C2orf69: variants seen among roughly 807,000 people sequenced by gnomAD.
C2orf69 encodes the protein mitochondrial protein C2orf69.
C2orf69 carries 19 observed loss-of-function variants against 29.5 expected under a neutral mutation model. The observed-to-expected ratio is 0.65, with a 90% CI of 0.45 to 0.95. The LOEUF (loss-of-function observed/expected upper bound fraction) is 0.95, where lower values mean the gene tolerates loss of function less well. C2orf69 is among the 40% of genes least tolerant of loss of function. The pLI, the probability that C2orf69 is intolerant of heterozygous loss-of-function variation, is 0.00. For missense variants in C2orf69, 416 were observed against 482.1 expected (o/e 0.86, Z 1.28); for synonymous variants, 194 against 180.0 (o/e 1.08, Z -0.62).
intron 1 of C2orf69, among the ~76,000 whole-genome samples, chr2:199,913,526 A>ATAT (rs35659074): frequency 0.99 from 116,134 of 117,482 alleles, 57,412 homozygotes; most frequent in Middle Eastern, 1. Flanking sequence ...TATATATAAA[A>ATAT]TATACTATAT....
At position 199,911,549 on chromosome 2, in the gene C2orf69, C is replaced by T; in HGVS notation, c.111C>T (p.Gly37=). 1 of 1,549,732 alleles carries T rather than the reference C, an allele frequency of 6.5e-7. No individual in the cohort carries two copies. The highest frequency in any genetic ancestry group is 8.7e-7 in the Non-Finnish European group (1 of 1,146,712). Residue 37 remains glycine, a synonymous_variant, in exon 1 of 2, where the codon GGC becomes GGT. Coordinates refer to ENST00000319974, the MANE Select transcript of C2orf69 (RefSeq NM_153689.6). ...AGGCCAGAACCATGAACCCGGGCGG[C>T]AGCGGCGGCGCGCGATGCTCCCTCT... ...CSQARTMNPG[G]SGGARCSLSA...
At chr2:199,913,367 A>T (rs2077279857) in intron 1 of C2orf69, among the ~76,000 whole-genome samples, 1 of 77,808 alleles carries the variant, frequency 1.3e-5, no homozygotes, top group Non-Finnish European at 2.3e-5. Context: ...AATATATTCT[A>T]TTATGATATA....
In C2orf69 at chr2:199,927,997, C is replaced by G. The variant is rs2077342309; in HGVS notation, c.*2111C>G. 2 of 152,292 alleles carry G rather than the reference C, an allele frequency of 1.3e-5. No individual in the cohort carries two copies. The highest frequency in any genetic ancestry group is 1.3e-4 in the Admixed American group (2 of 15,252). The allele number at this position is 152,292 out of a possible 1,614,324, so 9.4% of individuals were successfully genotyped here. On this transcript the variant is annotated 3_prime_UTR_variant, in exon 2 of 2. Transcript: ENST00000319974. The stretch of plus-strand genomic sequence containing the variant: ...TATTAAGAGTAAGTCACCAGGTACA[C>G]AAAACTGCCATCATAGCAAAATGAG...
chr2:199,921,586 A>G (rs2077316376), intron 1 of C2orf69, among the ~76,000 whole-genome samples: 1 of 152,166 alleles, frequency 6.6e-6, no homozygotes, highest in Admixed American at 6.5e-5. Flanking sequence ...ATGTGGGAAA[A>G]TAAGCACTCT....
chr2:199,925,482 T>C lies in C2orf69; in HGVS notation c.754T>C (p.Ser252Pro). The change falls in exon 2 of 2, where the codon TCA becomes CCA. Residue 252 changes from serine to proline, a missense_variant. Ser to Pro is a moderately conservative substitution (Grantham distance 74, BLOSUM62 -1). Coordinates refer to ENST00000319974, the MANE Select transcript of C2orf69 (RefSeq NM_153689.6). The surrounding 1 kb of genome is among the most constrained non-coding windows in gnomAD (Gnocchi z 4.9). Reference protein sequence around the residue: ...DESAMSFYPPSLNDASFTLIG... With the variant: ...DESAMSFYPPPLNDASFTLIG... ...GTCTGCCATGAGTTTTTATCCACCATCACTAAATGACGCATCTTTTACTTT... is the reference window on the plus strand; with the variant it reads ...GTCTGCCATGAGTTTTTATCCACCACCACTAAATGACGCATCTTTTACTTT... The C allele has an allele frequency of 1.2e-6, 2 of 1,613,862 alleles. No individual in the cohort carries two copies. Among genetic ancestry groups the C allele is most frequent in the Non-Finnish European group, 8.5e-7 (1 of 1,179,858 alleles).
Position 199,925,195 on chromosome 2 carries a change from A to G in C2orf69, c.467A>G (p.His156Arg). 6.2e-7 allele frequency: 1 copy of G among 1,612,738 alleles called. No individual in the cohort carries two copies. Among genetic ancestry groups the G allele is most frequent in the Non-Finnish European group, 8.5e-7 (1 of 1,179,800 alleles). Residue 156 changes from histidine (H) to arginine (R), a missense_variant, in exon 2 of 2, where the codon CAT (histidine) becomes CGT (arginine). By Grantham distance (29) the His-to-Arg change is conservative. Transcript: ENST00000319974. This position sits in a 1 kb window ranked among gnomAD's most constrained non-coding sequence, Gnocchi z 4.9. The part of the protein sequence containing the change: ...YIWVIKCSRM[H>R]LHKFSCYDNF... ...TGGGTGATAAAATGTTCCCGAATGCATTTGCACAAATTCAGCTGCTATGAC... is the reference window on the plus strand; with the variant it reads ...TGGGTGATAAAATGTTCCCGAATGCGTTTGCACAAATTCAGCTGCTATGAC...
intron 1 of C2orf69, among the ~76,000 whole-genome samples, chr2:199,915,782 G>A (rs1195654378): frequency 1.3e-5 from 2 of 152,110 alleles, no homozygotes; most frequent in African/African-American, 4.8e-5. Context: ...CTCCCAAAGT[G>A]CTGGGATTAT....
At chr2:199,920,235 C>T (rs2106636435) in intron 1 of C2orf69, among the ~76,000 whole-genome samples, 1 of 152,302 alleles carries the variant, frequency 6.6e-6, no homozygotes, top group South Asian at 2.1e-4. Flanking sequence ...CTCTTAGTAA[C>T]TCCTAGAGGG....
At chr2:199,919,162 C>T (rs1239974912) in intron 1 of C2orf69, among the ~76,000 whole-genome samples, 1 of 152,000 alleles carries the variant, frequency 6.6e-6, no homozygotes, top group Non-Finnish European at 1.5e-5. Context: ...ATTAGGTTGC[C>T]TAGGCTGGTC....
rs1034549409 is a variant in C2orf69, at chr2:199,911,398, C to A, written c.-41C>A. ...GAAGTCCCTCCCTCAGGAACCCCTC[C>A]GCCACCCTCCACCTCCGAACCGCTC... On this transcript the variant is annotated 5_prime_UTR_variant, in exon 1 of 2. Transcript: ENST00000319974. The A allele has an allele frequency of 1.9e-5, 27 of 1,435,904 alleles. No individual in the cohort carries two copies. The highest frequency in any genetic ancestry group is 2.2e-5 in the Non-Finnish European group (24 of 1,098,560). The allele number at this position is 1,435,904 out of a possible 1,614,324, so 88.9% of individuals were successfully genotyped here.
chr2:199,924,943 A>G (rs2077330054), intron 1 of C2orf69, 119 bp from the exon 2 acceptor site: 3 of 643,324 alleles, frequency 4.7e-6, no homozygotes, highest in Non-Finnish European at 8.2e-6. Context: ...TTTCTAGTGT[A>G]CATTAACCAT....
At chr2:199,914,005 T>C (rs1162412410) in intron 1 of C2orf69, among the ~76,000 whole-genome samples, 1 of 152,232 alleles carries the variant, frequency 6.6e-6, no homozygotes, top group African/African-American at 2.4e-5. Context: ...CATCTCTCTG[T>C]GTTTCAGCTA....
chr2:199,922,594 G>A (rs1468223337), intron 1 of C2orf69, among the ~76,000 whole-genome samples: 4 of 152,082 alleles, frequency 2.6e-5, no homozygotes, highest in East Asian at 1.9e-4. Context: ...CAAAAGGAAG[G>A]TGTATTTAAA....
rs377702460 is a variant in C2orf69 at position 199,925,044 on chromosome 2, A to T, written c.334-18A>T. 1.4e-6 allele frequency: 2 copies of T among 1,439,138 alleles called. No individual in the cohort carries two copies. The highest frequency in any genetic ancestry group is 1.4e-5 in the African/African-American group (1 of 70,590). The allele number at this position is 1,439,138 out of a possible 1,614,324, so 89.1% of individuals were successfully genotyped here. A position where few individuals can be genotyped will look rare whatever the true frequency, so the allele number is the denominator to read the frequency against. Reference sequence around the variant, plus strand: ...TAAATATGTATTTAATACTTATTTCATCTTTCTTACCTTTCAGAATTACCA... The same window carrying T: ...TAAATATGTATTTAATACTTATTTCTTCTTTCTTACCTTTCAGAATTACCA... On this transcript the variant is annotated intron_variant, in intron 1 of 1. Coordinates refer to ENST00000319974, the MANE Select transcript of C2orf69 (RefSeq NM_153689.6). The surrounding 1 kb of genome is among the most constrained non-coding windows in gnomAD (Gnocchi z 4.9).
At chr2:199,913,635 G>GA (rs1431612502) in intron 1 of C2orf69, among the ~76,000 whole-genome samples, 6 of 136,740 alleles carry the variant, frequency 4.4e-5, no homozygotes, top group African/African-American at 1.1e-4. Context: ...AAAAACTGGA[G>GA]AAAAAAAAAG....
At chr2:199,922,031 T>TTATATATA (rs370430093) in intron 1 of C2orf69, among the ~76,000 whole-genome samples, 1,045 of 78,934 alleles carry the variant, frequency 0.013, 109 homozygotes, top group African/African-American at 0.047. Context: ...ACTGTTATTT[T>TTATATATA]TATATATATA....
At chr2:199,917,393 G>A (rs1290611193) in intron 1 of C2orf69, among the ~76,000 whole-genome samples, 2 of 152,080 alleles carry the variant, frequency 1.3e-5, no homozygotes, top group Non-Finnish European at 2.9e-5. Context: ...CAGAAAATGG[G>A]TTTTTCTTTT....
chr2:199,914,221 C>A (rs1186844345), intron 1 of C2orf69, among the ~76,000 whole-genome samples: 3 of 152,124 alleles, frequency 2.0e-5, no homozygotes, highest in African/African-American at 4.8e-5. Context: ...TACACTGACA[C>A]CCCTCAACAT....
intron 1 of C2orf69, among the ~76,000 whole-genome samples, chr2:199,918,828 G>C (rs1436828705): frequency 1.3e-5 from 2 of 151,928 alleles, no homozygotes; most frequent in Non-Finnish European, 2.9e-5. Context: ...CTTTCACTAT[G>C]GTTTTTGCTT....
Sources: gnomAD v4.1 joint callset for allele counts (sites outside exome capture counted in the v4.1 genomes callset) on GRCh38, gnomAD v4.1.1 for gene constraint, Gnocchi (gnomAD v3.1) non-coding constraint, MANE v1.5 for transcripts, NCBI Gene and HGNC (gene_info 2026-07-23, HGNC 2026-07-21) for gene names.